Variants in S1PR3 observed in about 807,000 individuals in gnomAD.
S1PR3 encodes sphingosine-1-phosphate receptor 3, also known as sphingosine 1-phosphate receptor 3.
A neutral mutation model predicts 13.3 loss-of-function variants in S1PR3; 12 were observed. The ratio of observed to expected loss-of-function variants is 0.90; its 90% CI spans 0.58 to 1.46. The LOEUF (loss-of-function observed/expected upper bound fraction) is 1.46, where lower values mean the gene tolerates loss of function less well. Ranked by LOEUF, S1PR3 falls within the 40% of genes most tolerant of loss-of-function variation. S1PR3 has a pLI of 0.00. For missense variants in S1PR3, 450 were observed against 501.9 expected (o/e 0.90, Z 0.99); for synonymous variants, 232 against 214.0 (o/e 1.08, Z -0.73).
rs905127314 is a variant in S1PR3, at chr9:89,002,427, G to C, written c.*90G>C. On this transcript the variant is annotated 3_prime_UTR_variant, in exon 2 of 2. Transcript: ENST00000358157. ...GCCCCTCAAGAGCTGTGACTCGGGA[G>C]AGCTACCTTACTTTGACCAACAGCC... 33 of 1,461,258 alleles carry C rather than the reference G, an allele frequency of 2.3e-5. No homozygotes were observed. Among genetic ancestry groups the C allele is most frequent in the Non-Finnish European group, 3.1e-5 (33 of 1,080,700 alleles). 90.5% of individuals were successfully genotyped at this position (1,461,258 alleles called of 1,614,324 possible). A position where few individuals can be genotyped will look rare whatever the true frequency, so the allele number is the denominator to read the frequency against.
At chr9:88,992,061 A>G (rs961496030) in intron 1 of S1PR3, 1 of 1,583,862 alleles carries the variant, frequency 6.3e-7, no homozygotes, top group Non-Finnish European at 8.6e-7. Context: ...TTAGCCTGGG[A>G]AAATCATTCT....
chr9:88,992,086 G>T, intron 1 of S1PR3: 2 of 1,535,286 alleles, frequency 1.3e-6, no homozygotes, highest in Non-Finnish European at 1.8e-6. Flanking sequence ...AACAATATTC[G>T]CCGGAAAATT....
At position 89,002,047 on chromosome 9, in the gene S1PR3, T is replaced by A; in HGVS notation, c.847T>A (p.Phe283Ile). The change falls in exon 2 of 2, where the codon TTC (phenylalanine) becomes ATC (isoleucine). Residue 283 changes from phenylalanine (F) to isoleucine (I), a missense_variant. By Grantham distance (21) the Phe-to-Ile change is conservative. Coordinates refer to ENST00000358157, the MANE Select transcript of S1PR3 (RefSeq NM_005226.4). ...ACPILFKAQW[F>I]IVLAVLNSAM... The stretch of plus-strand genomic sequence containing the variant: ...CCCCATCCTCTTCAAGGCTCAGTGG[T>A]TCATCGTGTTGGCTGTGCTCAACTC... The A allele has an allele frequency of 1.2e-6, 2 of 1,613,912 alleles. No individual in the cohort carries two copies.
chr9:88,996,483 A>C (rs1825804774), intron 1 of S1PR3: 1 of 152,270 alleles, frequency 6.6e-6, no homozygotes, highest in African/African-American at 2.4e-5. Flanking sequence ...AGGTGCATCT[A>C]TGTGCATGAC....
intron 1 of S1PR3, chr9:88,993,987 T>G (rs1825765075): frequency 6.0e-6 from 1 of 166,626 alleles, no homozygotes; most frequent in Admixed American, 6.5e-5. Context: ...TCCATTTTCC[T>G]GGCTTCAAAA....
At position 89,003,297 on chromosome 9, in the gene S1PR3, A is replaced by G. The variant is rs1222231226; in HGVS notation, c.*960A>G. ...ATTCACAAGACAGCACTTTGATTCT[A>G]TGTTGAGTTTGTTTCTATATTAGAA... On this transcript the variant is annotated 3_prime_UTR_variant, in exon 2 of 2. Coordinates refer to ENST00000358157, the MANE Select transcript of S1PR3 (RefSeq NM_005226.4). The G allele has an allele frequency of 1.8e-5, 3 of 167,132 alleles. No homozygotes were observed. The highest frequency in any genetic ancestry group is 2.9e-5 in the Non-Finnish European group (2 of 68,128). The allele number at this position is 167,132 out of a possible 1,614,324, so 10.4% of individuals were successfully genotyped here. A position where few individuals can be genotyped will look rare whatever the true frequency, so the allele number is the denominator to read the frequency against.
chr9:88,998,302 C>G (rs1825830305), intron 1 of S1PR3: 2 of 152,146 alleles, frequency 1.3e-5, no homozygotes, highest in South Asian at 4.2e-4. Context: ...ATGGTGAAAC[C>G]CCGTCTCTAC....
At position 89,004,954 on chromosome 9, in the gene S1PR3, CA is replaced by C. The variant is rs375732310; in HGVS notation, c.*2619del. 10 of 167,116 alleles carry C rather than the reference CA, an allele frequency of 6.0e-5. No homozygotes were observed. Among genetic ancestry groups the C allele is most frequent in the African/African-American group, 2.4e-4 (10 of 41,546 alleles). The allele number at this position is 167,116 out of a possible 1,614,324, so 10.4% of individuals were successfully genotyped here. On this transcript the variant is annotated 3_prime_UTR_variant, in exon 2 of 2. Transcript: ENST00000358157. ...TTCAATTAGAAACCTTTACTATTTCCAATGTATGTTTGTTAAAAATAATAAT... is the reference window on the plus strand; with the variant it reads ...TTCAATTAGAAACCTTTACTATTTCCATGTATGTTTGTTAAAAATAATAAT...
upstream of S1PR3, chr9:88,991,443 A>G (rs955210878): frequency 4.3e-5 from 67 of 1,543,202 alleles, no homozygotes; most frequent in Middle Eastern, 3.9e-4. This position sits in a 1 kb window ranked among gnomAD's most constrained non-coding sequence, Gnocchi z 4.0. Flanking sequence ...CCGCTGGAAA[A>G]GTTTAGTCTC....
Position 88,991,692 on chromosome 9 carries a change from G to C in S1PR3, c.-151G>C. 1 of 1,522,246 alleles carries C rather than the reference G, an allele frequency of 6.6e-7. No homozygotes were observed. Among genetic ancestry groups the C allele is most frequent in the Non-Finnish European group, 8.8e-7 (1 of 1,135,178 alleles). The allele number at this position is 1,522,246 out of a possible 1,614,324, so 94.3% of individuals were successfully genotyped here. On this transcript the variant is annotated 5_prime_UTR_variant, in exon 1 of 2. Coordinates refer to ENST00000358157, the MANE Select transcript of S1PR3 (RefSeq NM_005226.4). This position sits in a 1 kb window ranked among gnomAD's most constrained non-coding sequence, Gnocchi z 4.0. ...GGTGGCCCCAGCGCCCTCAGCCGAC[G>C]GAGGTGAGAGGCGGGCCCGGGCGGG...
At position 88,991,482 on chromosome 9, in the gene S1PR3, C is replaced by T. The variant is rs761060296; in HGVS notation, c.-361C>T. ...CTCGCTCGGGCAGAGGCCGAGGAAG[C>T]CGGTTCCGGGGACGGGCAACAGGGA... On this transcript the variant is annotated 5_prime_UTR_variant, in exon 1 of 2. Transcript: ENST00000358157. The surrounding 1 kb of genome is among the most constrained non-coding windows in gnomAD (Gnocchi z 4.0). 15 of 1,547,564 alleles carry T rather than the reference C, an allele frequency of 9.7e-6. No homozygotes were observed. Among genetic ancestry groups the T allele is most frequent in the Admixed American group, 2.0e-5 (1 of 50,898 alleles).
intron 1 of S1PR3, chr9:88,999,239 C>G (rs958893163): frequency 1.2e-4 from 19 of 153,102 alleles, no homozygotes; most frequent in African/African-American, 4.3e-4. Flanking sequence ...CATCCTACCC[C>G]CCGCCAACCC....
upstream of S1PR3, chr9:88,991,050 G>C: frequency 1.9e-6 from 3 of 1,613,492 alleles, no homozygotes; most frequent in African/African-American, 1.3e-5. The surrounding 1 kb of genome is among the most constrained non-coding windows in gnomAD (Gnocchi z 4.0). Context: ...ATTAAGAATC[G>C]GCCCAAACAA....
intron 1 of S1PR3, chr9:88,994,237 C>A (rs1344400453): frequency 6.0e-6 from 1 of 167,448 alleles, no homozygotes. Context: ...GTGACACCCC[C>A]CCTCCCCCAG....
At chr9:88,995,628 G>A (rs3934594) in intron 1 of S1PR3, 59,965 of 166,986 alleles carry the variant, frequency 0.36, 11,165 homozygotes, top group Middle Eastern at 0.49. Context: ...AGCTTAGTGA[G>A]GATGACATGA....
chr9:88,992,336 A>G (rs1825732444), intron 1 of S1PR3: 1 of 309,060 alleles, frequency 3.2e-6, no homozygotes, highest in East Asian at 9.1e-5. Flanking sequence ...TCCCAATGGT[A>G]TATTTCTTTG....
chr9:88,991,542 G>C lies in S1PR3; in HGVS notation c.-301G>C. 1 of 1,547,092 alleles carries C rather than the reference G, an allele frequency of 6.5e-7. No homozygotes were observed. The highest frequency in any genetic ancestry group is 8.7e-7 in the Non-Finnish European group (1 of 1,145,790). ...CAGAAGGCGGCTGCAGGACGCGACC[G>C]AGCAGGACCCCAGGCCCGGGAACGA... On this transcript the variant is annotated 5_prime_UTR_variant, in exon 1 of 2. Transcript: ENST00000358157. The surrounding 1 kb of genome is among the most constrained non-coding windows in gnomAD (Gnocchi z 4.0).
Position 89,001,579 on chromosome 9 carries a change from T to A in S1PR3, c.379T>A (p.Cys127Ser). Residue 127 changes from cysteine (C) to serine (S), a missense_variant, in exon 2 of 2, where the codon TGC becomes AGC. By Grantham distance (112) the Cys-to-Ser change is moderately radical. Transcript: ENST00000358157. ...SMFVALGASTCSLLAIAIERH... is the reference protein window; with the variant it reads ...SMFVALGASTSSLLAIAIERH... ...GTTCGTGGCCCTTGGGGCGTCCACC[T>A]GCAGCTTACTGGCCATCGCCATCGA... 4.3e-6 allele frequency: 7 copies of A among 1,614,250 alleles called. No individual in the cohort carries two copies. Among genetic ancestry groups the A allele is most frequent in the Non-Finnish European group, 5.9e-6 (7 of 1,180,048 alleles).
intron 1 of S1PR3, chr9:88,995,353 T>C (rs1411146383): frequency 6.0e-6 from 1 of 167,122 alleles, no homozygotes; most frequent in African/African-American, 2.4e-5. Context: ...AGTTTGTTTA[T>C]TTTTCAACTT....
Sources: gnomAD v4.1 joint callset for allele counts on GRCh38, gnomAD v4.1.1 for gene constraint, Gnocchi (gnomAD v3.1) non-coding constraint, MANE v1.5 for transcripts, NCBI Gene and HGNC (gene_info 2026-07-23, HGNC 2026-07-21) for gene names.